The following CNTRL variants were observed in gnomAD, a reference collection of about 807,000 sequenced individuals.
CNTRL encodes the protein centriolin.
Under a neutral mutation model 303.7 loss-of-function variants are expected in CNTRL, and 233 were observed. The ratio of observed to expected loss-of-function variants is 0.77; its 90% CI spans 0.69 to 0.86. The LOEUF (loss-of-function observed/expected upper bound fraction) is 0.86, where lower values mean the gene tolerates loss of function less well. Ranked by LOEUF, CNTRL falls within the 40% of genes least tolerant of loss-of-function variation. The probability of loss-of-function intolerance (pLI) is 0.00; values close to 1 mark genes in which losing one functional copy is unlikely to be tolerated. For missense variants in CNTRL, 2,524 were observed against 2,650.6 expected, an observed-to-expected ratio of 0.95 and a Z score of 1.05; for synonymous variants, 900 against 922.2, an observed-to-expected ratio of 0.98 and a Z score of 0.44.
At chr9:121,172,599 C>A (rs1181123707) in intron 40 of CNTRL, among the ~76,000 whole-genome samples, 1 of 152,082 alleles carries the variant, frequency 6.6e-6, no homozygotes, top group Non-Finnish European at 1.5e-5. Context: ...CAAGATTGTG[C>A]CACCGCCCTC....
chr9:121,118,780 G>C (rs1436943444), intron 12 of CNTRL, among the ~76,000 whole-genome samples: 1 of 152,124 alleles, frequency 6.6e-6, no homozygotes, highest in Non-Finnish European at 1.5e-5. Context: ...AACATGTACA[G>C]ACTTTTTTTC....
At chr9:121,167,949 C>A in intron 37 of CNTRL, 147 bp from the exon 38 acceptor site, 1 of 746,922 alleles carries the variant, frequency 1.3e-6, no homozygotes. Flanking sequence ...GATAGCTTCC[C>A]AAGCCCTCTT....
At chr9:121,128,214 C>T (rs577402494) in intron 14 of CNTRL, among the ~76,000 whole-genome samples, 8 of 152,304 alleles carry the variant, frequency 5.3e-5, no homozygotes, top group African/African-American at 9.6e-5. Flanking sequence ...CTTGAGGAAT[C>T]GCCACATTGT....
At position 121,167,774 on chromosome 9, in the gene CNTRL, T is replaced by C. The variant is rs1053238032; in HGVS notation, c.5844+97T>C. On this transcript the variant is annotated intron_variant, in intron 37 of 43. Coordinates refer to ENST00000373855, the MANE Select transcript of CNTRL (RefSeq NM_007018.6). ...GAAAGCTGCTGAGAAATATCCCCAA[T>C]GGGACTATGTGTCCCTTAACTGCCC... 2.5e-5 allele frequency: 27 copies of C among 1,060,644 alleles called. No homozygotes were observed. The Admixed American group carries it at 6.0e-4, about 24-fold the overall frequency. The allele number at this position is 1,060,644 out of a possible 1,614,324, so 65.7% of individuals were successfully genotyped here. A position where few individuals can be genotyped will look rare whatever the true frequency, so the allele number is the denominator to read the frequency against.
intron 12 of CNTRL, chr9:121,121,685 A>G: frequency 3.3e-6 from 2 of 602,132 alleles, no homozygotes; most frequent in Non-Finnish European, 4.2e-6. Context: ...GGCCCCTGGG[A>G]GCTTCCTGTG....
chr9:121,152,347 A>G (rs1488913963), intron 25 of CNTRL, 138 bp from the exon 26 acceptor site: 2 of 653,142 alleles, frequency 3.1e-6, no homozygotes, highest in East Asian at 2.7e-5. Flanking sequence ...AACTTTTTAT[A>G]CCAAAGTCTT....
rs1024225958 is a variant in CNTRL, at chr9:121,096,629, G to A, written c.621+66G>A. On this transcript the variant is annotated intron_variant, in intron 6 of 43. Transcript: ENST00000373855. ...AAAATAAAAGATTAAAAATATCTAA[G>A]TTTTTTAAAAATGGGATTTCTTCTT... is the stretch of plus-strand genomic sequence containing the variant. The A allele has an allele frequency of 3.1e-5, 39 of 1,259,236 alleles. No homozygotes were observed. The African/African-American group carries it at 5.4e-4, about 17-fold the overall frequency. The allele number at this position is 1,259,236 out of a possible 1,614,324, so 78.0% of individuals were successfully genotyped here. A position where few individuals can be genotyped will look rare whatever the true frequency, so the allele number is the denominator to read the frequency against.
chr9:121,080,081 A>C (rs2048081718), intron 1 of CNTRL, among the ~76,000 whole-genome samples: 2 of 152,208 alleles, frequency 1.3e-5, no homozygotes, highest in African/African-American at 4.8e-5. Context: ...GGAAACTCAG[A>C]TAGCTATATG....
intron 2 of CNTRL, among the ~76,000 whole-genome samples, chr9:121,084,594 G>T (rs1291122966): frequency 6.6e-6 from 1 of 150,572 alleles, no homozygotes; most frequent in Non-Finnish European, 1.5e-5. Context: ...ACCCAGGCTG[G>T]AGTGCAGTGG....
chr9:121,171,524 TGAGTACACG>T lies in CNTRL; in HGVS notation c.6397_6405del (p.Tyr2133_Glu2135del). On this transcript the variant is annotated inframe_deletion, in exon 40 of 44. Coordinates refer to ENST00000373855, the MANE Select transcript of CNTRL (RefSeq NM_007018.6). ...TGAAGGAGCTCAACCAGATGCAGTA[TGAGTACACG>T]GAGCTCAAGAAACAGGTGTGTGCCC... is the stretch of plus-strand genomic sequence containing the variant. 6.2e-7 allele frequency: 1 copy of T among 1,613,908 alleles called. No individual in the cohort carries two copies. The highest frequency in any genetic ancestry group is 1.1e-5 in the South Asian group (1 of 91,050).
intron 4 of CNTRL, among the ~76,000 whole-genome samples, chr9:121,094,507 G>A (rs983368733): frequency 6.6e-6 from 1 of 152,178 alleles, no homozygotes; most frequent in African/African-American, 2.4e-5. Flanking sequence ...CACAATGGCA[G>A]TTAAATTCAA....
At chr9:121,092,750 A>ATATAAT (rs568312452) in intron 4 of CNTRL, among the ~76,000 whole-genome samples, 1 of 79,698 alleles carries the variant, frequency 1.3e-5, no homozygotes, top group Non-Finnish European at 2.1e-5. Flanking sequence ...ATCTATATAT[A>ATATAAT]ATATATATCT....
At chr9:121,155,470 C>T (rs2052520839) in intron 27 of CNTRL, among the ~76,000 whole-genome samples, 1 of 152,132 alleles carries the variant, frequency 6.6e-6, no homozygotes, top group Non-Finnish European at 1.5e-5. Context: ...CAACCTCCGC[C>T]TCCCGGGTTC....
At chr9:121,076,546 A>C (rs1036298152) in intron 1 of CNTRL, among the ~76,000 whole-genome samples, 2 of 152,088 alleles carry the variant, frequency 1.3e-5, no homozygotes, top group Admixed American at 1.3e-4. Context: ...TTCTGGGGTG[A>C]AGAGAGATGA....
At chr9:121,162,355 G>A (rs1393581562) in intron 34 of CNTRL, 84 bp downstream of exon 34, 2 of 1,199,872 alleles carry the variant, frequency 1.7e-6, no homozygotes, top group Admixed American at 1.7e-5. Context: ...TTGGAAAATA[G>A]AGAAAAAGAT....
chr9:121,140,601 G>A, intron 16 of CNTRL, 40 bp from the exon 17 acceptor site: 3 of 1,537,346 alleles, frequency 2.0e-6, no homozygotes, highest in Non-Finnish European at 2.7e-6. Context: ...AAAATATGCT[G>A]GCATGTAATA....
intron 24 of CNTRL, among the ~76,000 whole-genome samples, chr9:121,149,264 A>G (rs920850030): frequency 6.6e-6 from 1 of 152,234 alleles, no homozygotes; most frequent in African/African-American, 2.4e-5. Context: ...CTCCAGAGGA[A>G]GAGTCAGACC....
intron 43 of CNTRL, 84 bp downstream of exon 43, chr9:121,175,308 C>T (rs773624556): frequency 2.8e-5 from 36 of 1,289,546 alleles, no homozygotes; most frequent in Admixed American, 1.5e-4. Context: ...GCCCTACCGC[C>T]CAGGCTGGAG....
intron 14 of CNTRL, among the ~76,000 whole-genome samples, chr9:121,133,771 T>C (rs576393456): frequency 1.6e-4 from 25 of 152,350 alleles, no homozygotes; most frequent in African/African-American, 5.5e-4. Context: ...CTGTTCCTAT[T>C]TGGCCATCTC....
Sources: allele counts gnomAD v4.1 joint callset (sites outside exome capture counted in the v4.1 genomes callset), GRCh38; gene constraint gnomAD v4.1.1; transcripts MANE v1.5; gene names NCBI Gene and HGNC (gene_info 2026-07-23, HGNC 2026-07-21).